The following GLP2R variants were observed in gnomAD, a reference collection of about 807,000 sequenced individuals.
The protein encoded by GLP2R is glucagon-like peptide 2 receptor.
A neutral mutation model predicts 68.2 loss-of-function variants in GLP2R; 59 were observed. The observed-to-expected ratio is 0.87, with a 90% CI of 0.70 to 1.07. The LOEUF (loss-of-function observed/expected upper bound fraction) is 1.07. Among genes scored for constraint, GLP2R ranks in the 50% least tolerant of loss-of-function variants. The pLI is 0.00. For synonymous variants in GLP2R, 270 were observed against 265.4 expected (o/e 1.02, Z -0.17); for missense variants, 548 against 677.4 (o/e 0.81, Z 2.12).
chr17:9,881,283 T>C, intron 11 of GLP2R, among the ~76,000 whole-genome samples: 1 of 151,988 alleles, frequency 6.6e-6, no homozygotes, highest in Non-Finnish European at 1.5e-5. Flanking sequence ...GTCCATGACA[T>C]TCCTTAGGCG....
intron 3 of GLP2R, among the ~76,000 whole-genome samples, chr17:9,841,929 G>T (rs553889502): frequency 3.2e-4 from 48 of 152,204 alleles, no homozygotes; most frequent in African/African-American, 7.9e-4. Context: ...ATGCGCAGAG[G>T]GATTTTTCTC....
intron 10 of GLP2R, among the ~76,000 whole-genome samples, chr17:9,873,576 T>TTTTTTTTTTTTTTTTTTTTTTTC (rs2067116686): frequency 6.8e-6 from 1 of 146,776 alleles, no homozygotes; most frequent in Non-Finnish European, 1.5e-5. Context: ...TTTTTTTTTT[T>TTTTTTTTTTTTTTTTTTTTTTTC]TTTAGCTCAT....
chr17:9,872,312 C>T (rs767608045), intron 10 of GLP2R, among the ~76,000 whole-genome samples: 67 of 152,182 alleles, frequency 4.4e-4, no homozygotes, highest in Non-Finnish European at 8.5e-4. Flanking sequence ...TTCGGTGACT[C>T]ACGCCTGTAA....
chr17:9,827,044 AT>A (rs2066638729), intron 1 of GLP2R, among the ~76,000 whole-genome samples: 1 of 151,540 alleles, frequency 6.6e-6, no homozygotes, highest in African/African-American at 2.4e-5. Flanking sequence ...TAATTTTTGT[AT>A]TTTAGTAGAG....
chr17:9,882,038 T>TAAAAAAAAA (rs60129746), intron 11 of GLP2R, among the ~76,000 whole-genome samples: 3 of 113,654 alleles, frequency 2.6e-5, no homozygotes, highest in African/African-American at 9.6e-5. Flanking sequence ...ACACATTAAC[T>TAAAAAAAAA]AAAAAAAAAA....
At chr17:9,831,584 A>G (rs1462091403) in intron 1 of GLP2R, among the ~76,000 whole-genome samples, 1 of 152,204 alleles carries the variant, frequency 6.6e-6, no homozygotes, top group Non-Finnish European at 1.5e-5. Context: ...TCACCAGGTG[A>G]AAATGAGGGC....
intron 9 of GLP2R, among the ~76,000 whole-genome samples, chr17:9,864,162 A>T (rs2067012372): frequency 1.3e-5 from 2 of 152,178 alleles, no homozygotes; most frequent in Admixed American, 6.5e-5. Context: ...CATTGATCTC[A>T]GGAGGGGCCT....
intron 1 of GLP2R, 140 bp from the exon 2 acceptor site, chr17:9,833,666 AG>A: frequency 1.6e-6 from 1 of 608,422 alleles, no homozygotes; most frequent in Non-Finnish European, 2.9e-6. Flanking sequence ...ATAGAACATA[AG>A]ATGCTGAAGA....
intron 1 of GLP2R, among the ~76,000 whole-genome samples, chr17:9,829,176 C>T (rs774073339): frequency 6.6e-6 from 1 of 152,152 alleles, no homozygotes; most frequent in Non-Finnish European, 1.5e-5. Context: ...GTTATCCCCA[C>T]ACCACTCTCT....
chr17:9,880,527 A>C lies in GLP2R; in HGVS notation c.1284+11A>C, dbSNP rs767649858. 3.2e-6 allele frequency: 5 copies of C among 1,571,100 alleles called. No individual in the cohort carries two copies. Among genetic ancestry groups the C allele is most frequent in the African/African-American group, 1.4e-5 (1 of 73,786 alleles). On this transcript the variant is annotated intron_variant, in intron 11 of 12. Coordinates refer to ENST00000262441, the MANE Select transcript of GLP2R (RefSeq NM_004246.3). ...CTGAGCTCCTTTCATGTAAGTAGAA[A>C]TCTGAACCAAAATGCCTTGACTTTG...
intron 2 of GLP2R, among the ~76,000 whole-genome samples, chr17:9,835,253 C>G (rs1005535584): frequency 5.9e-5 from 9 of 151,818 alleles, no homozygotes; most frequent in Non-Finnish European, 8.8e-5. Context: ...GGTCTCGATC[C>G]CCTGACCTCG....
intron 11 of GLP2R, among the ~76,000 whole-genome samples, chr17:9,883,863 T>G (rs6503261): frequency 3.9e-5 from 6 of 152,190 alleles, no homozygotes; most frequent in Non-Finnish European, 8.8e-5. Flanking sequence ...TCAAAGGATG[T>G]CCTTCATGCT....
At chr17:9,853,002 C>A in intron 4 of GLP2R, 2 of 480,224 alleles carry the variant, frequency 4.2e-6, no homozygotes, top group Non-Finnish European at 7.8e-6. Context: ...GAACCACACT[C>A]TTCAACTGTA....
chr17:9,841,078 G>A (rs149225650), intron 3 of GLP2R, among the ~76,000 whole-genome samples: 4,455 of 150,332 alleles, frequency 0.03, 84 homozygotes, highest in East Asian at 0.076. Flanking sequence ...ATGCAATGGC[G>A]TGATCTCAGC....
At chr17:9,864,510 G>T (rs113904329) in intron 9 of GLP2R, among the ~76,000 whole-genome samples, 37,336 of 140,942 alleles carry the variant, frequency 0.26, 7,081 homozygotes, top group African/African-American at 0.53. Flanking sequence ...TTGTTTGTTT[G>T]TTTGTTTTGT....
chr17:9,878,748 G>T (rs1284043379), intron 10 of GLP2R, among the ~76,000 whole-genome samples: 1 of 152,162 alleles, frequency 6.6e-6, no homozygotes, highest in Non-Finnish European at 1.5e-5. Context: ...TGATAACATT[G>T]CATCTGAATG....
intron 7 of GLP2R, 30 bp downstream of exon 7, chr17:9,860,131 C>T: frequency 3.2e-6 from 5 of 1,547,064 alleles, no homozygotes; most frequent in Non-Finnish European, 4.4e-6. Flanking sequence ...GCTTCCTTTC[C>T]TGGGGATCCA....
intron 4 of GLP2R, among the ~76,000 whole-genome samples, chr17:9,844,980 C>T (rs998353809): frequency 4.6e-5 from 7 of 151,658 alleles, no homozygotes; most frequent in Non-Finnish European, 8.8e-5. Context: ...CATGGGCCAC[C>T]GTGCCTGGTC....
At chr17:9,843,322 C>T (rs1157753205) in intron 4 of GLP2R, among the ~76,000 whole-genome samples, 1 of 152,254 alleles carries the variant, frequency 6.6e-6, no homozygotes, top group Non-Finnish European at 1.5e-5. Flanking sequence ...CATATCCAGA[C>T]TCTGCTCTTC....
Sources: gnomAD v4.1 joint callset for allele counts (sites outside exome capture counted in the v4.1 genomes callset) on GRCh38, gnomAD v4.1.1 for gene constraint, MANE v1.5 for transcripts, NCBI Gene and HGNC (gene_info 2026-07-23, HGNC 2026-07-21) for gene names.